Variants in B4GALNT3 observed in about 807,000 individuals in gnomAD.
The protein encoded by B4GALNT3 is beta-1,4-N-acetyl-galactosaminyltransferase 3, also known as beta-1,4-N-acetylgalactosaminyltransferase 3.
B4GALNT3 carries 86 observed loss-of-function variants against 120.2 expected under a neutral mutation model. The ratio of observed to expected loss-of-function variants is 0.72; its 90% CI spans 0.60 to 0.86. The LOEUF (loss-of-function observed/expected upper bound fraction) is 0.86, where lower values mean the gene tolerates loss of function less well. Ranked by LOEUF, B4GALNT3 falls within the 40% of genes least tolerant of loss-of-function variation. The pLI is 0.00. For missense variants in B4GALNT3, 1,167 were observed against 1,298.9 expected, an observed-to-expected ratio of 0.90 and a Z score of 1.56; for synonymous variants, 518 against 510.4, an observed-to-expected ratio of 1.01 and a Z score of -0.20.
At chr12:512,892 T>A (rs28808123) in intron 1 of B4GALNT3, among the ~76,000 whole-genome samples, 3 of 129,752 alleles carry the variant, frequency 2.3e-5, no homozygotes, top group Admixed American at 7.5e-5. Context: ...TTCCACCTTC[T>A]ACCTTCCGCC....
At chr12:546,758 G>A in intron 7 of B4GALNT3, 45 bp downstream of exon 7, 6 of 1,521,442 alleles carry the variant, frequency 3.9e-6, no homozygotes, top group South Asian at 1.2e-5. Flanking sequence ...TCGGTGCCTC[G>A]GTGGAGCCCG....
Position 553,870 on chromosome 12 carries a change from G to T in B4GALNT3, c.1947G>T (p.Arg649Ser), listed in dbSNP as rs1207900689. ...SARNLDFQAL[R>S]TDWIDLSCNT... is the part of the protein sequence containing the mutation. ...GGAATCTCGACTTCCAAGCCCTGAG[G>T]ACTGACTGGATCGATCTGAGCTGTA... Residue 649 changes from arginine to serine, a missense_variant, in exon 14 of 20, where the codon AGG becomes AGT. By Grantham distance (110) the Arg-to-Ser change is moderately radical. Around this residue, in one of 3 missense-constraint regions of B4GALNT3, gnomAD observed 983 missense variants for 1,102.5 expected, o/e 0.89. Transcript: ENST00000266383. 6.2e-7 allele frequency: 1 copy of T among 1,614,188 alleles called. No individual in the cohort carries two copies. The highest frequency in any genetic ancestry group is 1.7e-5 in the Admixed American group (1 of 60,036).
rs1946011651 is a variant in B4GALNT3, at chr12:460,637, G to C, written c.169+92G>C. On this transcript the variant is annotated intron_variant, in intron 1 of 19. Transcript: ENST00000266383. This position sits in a 1 kb window ranked among gnomAD's most constrained non-coding sequence, Gnocchi z 8.0. ...GGACCCGCCTCTCATCCCATCCTCA[G>C]ACCCGATTTCCCACCCATTTCTCCC... 1 of 1,170,310 alleles carries C rather than the reference G, an allele frequency of 8.5e-7. No homozygotes were observed. The highest frequency in any genetic ancestry group is 1.1e-6 in the Non-Finnish European group (1 of 921,160). 72.5% of individuals were successfully genotyped at this position (1,170,310 alleles called of 1,614,324 possible).
At chr12:489,943 A>G (rs1412003918) in intron 1 of B4GALNT3, among the ~76,000 whole-genome samples, 4 of 152,256 alleles carry the variant, frequency 2.6e-5, no homozygotes, top group African/African-American at 9.6e-5. Context: ...TTAAACTAAA[A>G]ATCAATAACA....
intron 1 of B4GALNT3, among the ~76,000 whole-genome samples, chr12:518,028 G>A (rs73032483): frequency 0.076 from 11,584 of 152,218 alleles, 641 homozygotes; most frequent in African/African-American, 0.16. Flanking sequence ...CAGTTTTATC[G>A]TTAGGAAAAT....
In B4GALNT3 at chr12:544,886, G is replaced by C. The variant is rs201901859; in HGVS notation, c.452G>C (p.Arg151Pro). 1 of 1,613,512 alleles carries C rather than the reference G, an allele frequency of 6.2e-7. No homozygotes were observed. Among genetic ancestry groups the C allele is most frequent in the African/African-American group, 1.3e-5 (1 of 74,782 alleles). The change falls in exon 5 of 20, where the codon CGC becomes CCC. Residue 151 changes from arginine (R) to proline (P), a missense_variant. Around this residue, in one of 3 missense-constraint regions of B4GALNT3, gnomAD observed 13 missense variants for 35.1 expected, o/e 0.37. Coordinates refer to ENST00000266383, the MANE Select transcript of B4GALNT3 (RefSeq NM_173593.4). ...NLHFPLYPHI[R>P]TTLRKLAVSP... ...CCTTCCCCTTTCTTGGCATAGATTC[G>C]CACAACCCTGAGGAAGCTTGCTGTG... is the stretch of plus-strand genomic sequence containing the variant.
intron 14 of B4GALNT3, among the ~76,000 whole-genome samples, chr12:554,496 A>C (rs1472959440): frequency 6.6e-6 from 1 of 152,216 alleles, no homozygotes; most frequent in African/African-American, 2.4e-5. Context: ...GTGGTTTTAA[A>C]AGTATATTTA....
At chr12:519,984 A>G (rs947066815) in intron 1 of B4GALNT3, among the ~76,000 whole-genome samples, 3 of 151,964 alleles carry the variant, frequency 2.0e-5, no homozygotes, top group Non-Finnish European at 4.4e-5. Flanking sequence ...TTCAACATAT[A>G]TTTGACCTAG....
chr12:483,147 C>A (rs961624210), intron 1 of B4GALNT3, among the ~76,000 whole-genome samples: 2 of 152,084 alleles, frequency 1.3e-5, no homozygotes, highest in African/African-American at 4.8e-5. Flanking sequence ...TGGGTTCAAG[C>A]ACTCCTACCA....
At chr12:527,479 A>T (rs1389636459) in intron 1 of B4GALNT3, among the ~76,000 whole-genome samples, 3 of 152,200 alleles carry the variant, frequency 2.0e-5, no homozygotes, top group Non-Finnish European at 4.4e-5. Context: ...AAGCTGGGGG[A>T]AAGGACAGCT....
chr12:485,619 G>C (rs901855532), intron 1 of B4GALNT3, among the ~76,000 whole-genome samples: 1 of 152,224 alleles, frequency 6.6e-6, no homozygotes, highest in African/African-American at 2.4e-5. Context: ...AGCTACGAAT[G>C]GGATTGCCTA....
chr12:516,847 G>A (rs1013612784), intron 1 of B4GALNT3, among the ~76,000 whole-genome samples: 1 of 152,182 alleles, frequency 6.6e-6, no homozygotes, highest in East Asian at 1.9e-4. Context: ...GACTGGAGTG[G>A]TGGAGACGGA....
chr12:546,214 G>GAA (rs1193380325), intron 6 of B4GALNT3, among the ~76,000 whole-genome samples: 1 of 44,682 alleles, frequency 2.2e-5, no homozygotes. Flanking sequence ...GAGGAGGGAG[G>GAA]GGGGTGTGGG....
rs375911503 is a variant in B4GALNT3, at chr12:561,484, G to A, written c.*33G>A. The A allele has an allele frequency of 1.7e-4, 254 of 1,522,616 alleles. 2 individuals carry two copies. The highest frequency in any genetic ancestry group is 8.2e-4 in the African/African-American group (60 of 73,262). The allele number at this position is 1,522,616 out of a possible 1,614,324, so 94.3% of individuals were successfully genotyped here. A position where few individuals can be genotyped will look rare whatever the true frequency, so the allele number is the denominator to read the frequency against. On this transcript the variant is annotated 3_prime_UTR_variant, in exon 20 of 20. Coordinates refer to ENST00000266383, the MANE Select transcript of B4GALNT3 (RefSeq NM_173593.4). ...GTGTCCGCGGGGCCCAGCACTCCCC[G>A]CTCTGGACTAGCAGTGGCTCCCCAG...
intron 4 of B4GALNT3, among the ~76,000 whole-genome samples, chr12:544,679 T>C (rs1017393400): frequency 3.9e-5 from 6 of 152,194 alleles, no homozygotes; most frequent in African/African-American, 1.4e-4. Context: ...GGCCACCATG[T>C]ACAGTTGTGC....
intron 3 of B4GALNT3, chr12:540,426 G>A (rs1946902331): frequency 6.6e-6 from 1 of 152,230 alleles, no homozygotes; most frequent in South Asian, 2.1e-4. Flanking sequence ...GGAGGGAGCT[G>A]TTCCCTCTGC....
At chr12:473,119 C>T (rs1212469194) in intron 1 of B4GALNT3, among the ~76,000 whole-genome samples, 1 of 152,094 alleles carries the variant, frequency 6.6e-6, no homozygotes, top group African/African-American at 2.4e-5. Flanking sequence ...CAGGCATACA[C>T]CACCATGCCT....
rs2120725365 is a variant in B4GALNT3, at chr12:552,882, G to C, written c.1271-312G>C. 1.0e-5 allele frequency: 5 copies of C among 498,578 alleles called. 1 individual carries two copies. In the South Asian group the frequency reaches 1.3e-4, roughly 13 times the overall value. The allele number at this position is 498,578 out of a possible 1,614,324, so 30.9% of individuals were successfully genotyped here. ...TCTGGGGCCTTTCTTGGGGGATTAG[G>C]GCGTGGCTGGGACCATCTGCTGGGT... On this transcript the variant is annotated intron_variant, in intron 13 of 19. Coordinates refer to ENST00000266383, the MANE Select transcript of B4GALNT3 (RefSeq NM_173593.4).
At chr12:535,971 G>T (rs575881445) in intron 2 of B4GALNT3, among the ~76,000 whole-genome samples, 1 of 152,328 alleles carries the variant, frequency 6.6e-6, no homozygotes, top group East Asian at 1.9e-4. Flanking sequence ...GCCCTCAAGA[G>T]GTCCTGACCT....
Sources: gnomAD v4.1 joint callset for allele counts (sites outside exome capture counted in the v4.1 genomes callset) on GRCh38, gnomAD v4.1.1 for gene constraint, gnomAD v4.1.1 regional missense constraint, Gnocchi (gnomAD v3.1) non-coding constraint, MANE v1.5 for transcripts, NCBI Gene and HGNC (gene_info 2026-07-23, HGNC 2026-07-21) for gene names.